The following KPNA7 variants were observed in gnomAD, a reference collection of about 807,000 sequenced individuals.
KPNA7 encodes the protein importin subunit alpha-8.
In KPNA7, 54 loss-of-function variants were observed where a neutral mutation model predicts 53.7. The ratio of observed to expected loss-of-function variants is 1.01; its 90% CI spans 0.81 to 1.26. The LOEUF (loss-of-function observed/expected upper bound fraction) is 1.26, where lower values mean the gene tolerates loss of function less well. Among genes scored for constraint, KPNA7 ranks in the 50% most tolerant of loss-of-function variants. The probability of loss-of-function intolerance (pLI) is 0.00; values close to 1 mark genes in which losing one functional copy is unlikely to be tolerated. For missense variants in KPNA7, 640 were observed against 644.5 expected (o/e 0.99, Z 0.07); for synonymous variants, 276 against 259.3 (o/e 1.06, Z -0.62).
chr7:99,173,838 C>A (rs1255974166), intron 10 of KPNA7, 44 bp from the exon 11 acceptor site: 3 of 1,154,750 alleles, frequency 2.6e-6, no homozygotes, highest in African/African-American at 3.1e-5. Flanking sequence ...GGATTCTCAG[C>A]ACATTATCAC....
intron 9 of KPNA7, among the ~76,000 whole-genome samples, chr7:99,180,299 A>G (rs1416947116): frequency 2.0e-5 from 3 of 152,076 alleles, no homozygotes; most frequent in African/African-American, 7.2e-5. Context: ...CCCAGGAGTT[A>G]GAGAACAGCC....
At chr7:99,192,195 A>G (rs1789993183) in intron 6 of KPNA7, among the ~76,000 whole-genome samples, 2 of 152,164 alleles carry the variant, frequency 1.3e-5, no homozygotes, top group African/African-American at 2.4e-5. Flanking sequence ...GAGCAGTAGG[A>G]TATAAATAAC....
chr7:99,168,405 C>G, the KPNA7 span, among the ~76,000 whole-genome samples: 1 of 152,180 alleles, frequency 6.6e-6, no homozygotes, highest in Non-Finnish European at 1.5e-5. Context: ...GAGCAAAACC[C>G]CCCTCCCCTC....
At position 99,203,208 on chromosome 7, in the gene KPNA7, C is replaced by T; in HGVS notation, c.99G>A (p.Leu33=). Residue 33 remains leucine (L), a synonymous_variant, in exon 3 of 11, where the codon CTG becomes CTA. Transcript: ENST00000327442. ...CATCTTTCTTGGCCTTTCGGAGCTCCAGACTGACCGCCATCCTCTGCTGTC... is the reference window on the plus strand; with the variant it reads ...CATCTTTCTTGGCCTTTCGGAGCTCTAGACTGACCGCCATCCTCTGCTGTC... ...LRRQQRMAVS[L]ELRKAKKDEQ... 6.4e-7 allele frequency: 1 copy of T among 1,551,678 alleles called. No individual in the cohort carries two copies. The highest frequency in any genetic ancestry group is 1.4e-5 in the African/African-American group (1 of 73,152).
chr7:99,177,826 CA>C, intron 10 of KPNA7, 93 bp downstream of exon 10: 1 of 1,321,078 alleles, frequency 7.6e-7, no homozygotes, highest in East Asian at 2.6e-5. Context: ...AGTCACCTGC[CA>C]CACGCAACAG....
At chr7:99,218,366 A>G (rs981054504) in intron 1 of KPNA7, among the ~76,000 whole-genome samples, 1 of 151,940 alleles carries the variant, frequency 6.6e-6, no homozygotes, top group Admixed American at 6.6e-5. Context: ...TCCTGTTCAC[A>G]AGAAGGAGGC....
At chr7:99,217,926 C>T (rs1427872554) in intron 1 of KPNA7, among the ~76,000 whole-genome samples, 4 of 152,106 alleles carry the variant, frequency 2.6e-5, no homozygotes, top group Admixed American at 6.6e-5. Context: ...CCTCCATGCC[C>T]GGCCCCACCT....
intron 3 of KPNA7, among the ~76,000 whole-genome samples, chr7:99,202,895 A>C (rs1790621499): frequency 6.6e-6 from 1 of 151,964 alleles, no homozygotes; most frequent in Admixed American, 6.6e-5. Context: ...CCCCCACTAG[A>C]ATCTAGATTC....
chr7:99,165,772 T>A, the KPNA7 span, among the ~76,000 whole-genome samples: 1 of 152,182 alleles, frequency 6.6e-6, no homozygotes, highest in African/African-American at 2.4e-5. Flanking sequence ...TGCTATGTTG[T>A]CCAGGCTGGA....
At chr7:99,180,617 ATCTC>A (rs1177156350) in intron 9 of KPNA7, among the ~76,000 whole-genome samples, 1 of 120,888 alleles carries the variant, frequency 8.3e-6, no homozygotes, top group African/African-American at 3.1e-5. Flanking sequence ...CTCTCTCCCC[ATCTC>A]TCTCTCCCCG....
At chr7:99,180,546 T>C (rs929548105) in intron 9 of KPNA7, among the ~76,000 whole-genome samples, 1 of 37,562 alleles carries the variant, frequency 2.7e-5, no homozygotes, top group Non-Finnish European at 9.2e-5. Flanking sequence ...TCCGTCTGTC[T>C]CCGTCTGTCT....
the KPNA7 span, among the ~76,000 whole-genome samples, chr7:99,160,056 GCT>G: frequency 1.8e-5 from 2 of 113,764 alleles, no homozygotes; most frequent in East Asian, 5.8e-4. Flanking sequence ...ACAGTGTCTC[GCT>G]CTGTTGCCCA....
chr7:99,209,697 A>AT (rs1563091938), upstream of KPNA7, among the ~76,000 whole-genome samples: 4 of 131,608 alleles, frequency 3.0e-5, no homozygotes, highest in African/African-American at 1.3e-4. Flanking sequence ...AAAAAAAAAA[A>AT]AAAAAAAAAA....
chr7:99,196,172 A>T lies in KPNA7; in HGVS notation c.202-6T>A. The stretch of plus-strand genomic sequence containing the variant: ...TCACCCAGAGTGAGGCTGACCTGCA[A>T]GAAGAGACACATTCAGGTCAGACTG... On this transcript the variant is annotated splice_polypyrimidine_tract_variant and splice_region_variant and intron_variant, in intron 3 of 10. Coordinates refer to ENST00000327442, the MANE Select transcript of KPNA7 (RefSeq NM_001145715.3). 3.2e-6 allele frequency: 5 copies of T among 1,548,660 alleles called. No homozygotes were observed. The highest frequency in any genetic ancestry group is 4.4e-6 in the Non-Finnish European group (5 of 1,144,224).
chr7:99,192,879 A>C, intron 6 of KPNA7, 140 bp downstream of exon 6: 3 of 564,832 alleles, frequency 5.3e-6, no homozygotes, highest in Non-Finnish European at 8.9e-6. Flanking sequence ...CCATAATCCC[A>C]GAACTTTGAG....
chr7:99,208,534 G>A (rs1350034983), upstream of KPNA7, among the ~76,000 whole-genome samples: 1 of 152,110 alleles, frequency 6.6e-6, no homozygotes, highest in Non-Finnish European at 1.5e-5. Context: ...GGGATTACAG[G>A]CGTGAGCCAC....
At chr7:99,163,153 C>G in the KPNA7 span, among the ~76,000 whole-genome samples, 1 of 151,478 alleles carries the variant, frequency 6.6e-6, no homozygotes, top group Admixed American at 6.6e-5. Context: ...TGCACTCCAG[C>G]CTGGGCAGCA....
chr7:99,198,912 G>C (rs1160620850), intron 3 of KPNA7, among the ~76,000 whole-genome samples: 1 of 151,954 alleles, frequency 6.6e-6, no homozygotes, highest in Admixed American at 6.6e-5. Flanking sequence ...ATTCAGCTAG[G>C]TTGCAGAATT....
At chr7:99,209,485 A>C (rs1584322213), upstream of KPNA7, among the ~76,000 whole-genome samples, 1 of 152,006 alleles carries the variant, frequency 6.6e-6, no homozygotes, top group South Asian at 2.1e-4. Flanking sequence ...GGAGTTCGAG[A>C]CCAGCCAGAC....
Sources: allele counts gnomAD v4.1 joint callset (sites outside exome capture counted in the v4.1 genomes callset), GRCh38; gene constraint gnomAD v4.1.1; transcripts MANE v1.5; gene names NCBI Gene and HGNC (gene_info 2026-07-23, HGNC 2026-07-21).